Variants in RGS6 observed in about 807,000 individuals in gnomAD.
RGS6 encodes regulator of G protein signaling 6, also known as regulator of G-protein signaling 6.
A neutral mutation model predicts 78.5 loss-of-function variants in RGS6; 30 were observed. The observed-to-expected ratio is 0.38, with a 90% confidence interval of 0.29 to 0.52. RGS6 has a LOEUF of 0.52. Among genes scored for constraint, RGS6 ranks in the 20% least tolerant of loss-of-function variants. The pLI, the probability that RGS6 is intolerant of heterozygous loss-of-function variation, is 0.85. For synonymous variants in RGS6, 206 were observed against 206.0 expected (o/e 1.00, Z 0.00); for missense variants, 495 against 609.7 (o/e 0.81, Z 1.98).
At chr14:72,193,114 C>T (rs2097349102) in intron 2 of RGS6, among the ~76,000 whole-genome samples, 1 of 152,110 alleles carries the variant, frequency 6.6e-6, no homozygotes, top group Non-Finnish European at 1.5e-5. Flanking sequence ...CTGCCTCAGC[C>T]TCCCAAGTAG....
chr14:72,541,537 G>A (rs1305025441), intron 17 of RGS6: 1 of 1,535,696 alleles, frequency 6.5e-7, no homozygotes, highest in South Asian at 1.2e-5. Flanking sequence ...ATGGCCGTGT[G>A]GCTCCGCACA....
At chr14:72,450,859 G>A (rs2095475040) in intron 3 of RGS6, among the ~76,000 whole-genome samples, 1 of 152,180 alleles carries the variant, frequency 6.6e-6, no homozygotes, top group Admixed American at 6.5e-5. Flanking sequence ...TTGGATGTTT[G>A]GACTACTCTT....
At chr14:72,097,006 A>G (rs546503218) in intron 2 of RGS6, among the ~76,000 whole-genome samples, 2 of 152,320 alleles carry the variant, frequency 1.3e-5, no homozygotes, top group African/African-American at 4.8e-5. Flanking sequence ...GTAGGGAATG[A>G]ACCCAGAATG....
chr14:71,984,495 A>AAAAAAAAAAG (rs2094606839), intron 2 of RGS6, among the ~76,000 whole-genome samples: 1 of 149,260 alleles, frequency 6.7e-6, no homozygotes, highest in African/African-American at 2.5e-5. Context: ...AAAAAAAAAA[A>AAAAAAAAAAG]GTTGGTGTGG....
chr14:72,272,415 T>C (rs2060079735), intron 2 of RGS6, among the ~76,000 whole-genome samples: 1 of 152,224 alleles, frequency 6.6e-6, no homozygotes. Flanking sequence ...GGCAAGTTGT[T>C]GAACTGCTCT....
chr14:71,936,894 A>G (rs1179092840), intron 1 of RGS6, among the ~76,000 whole-genome samples: 1 of 152,186 alleles, frequency 6.6e-6, no homozygotes, highest in Non-Finnish European at 1.5e-5. Flanking sequence ...CTACCCATTC[A>G]GTATTCCTTT....
At chr14:72,600,303 G>T in the RGS6 span, among the ~76,000 whole-genome samples, 12 of 151,984 alleles carry the variant, frequency 7.9e-5, no homozygotes, top group Non-Finnish European at 1.3e-4. Flanking sequence ...GCGATTCTGG[G>T]CTTTCCTTTC....
At chr14:72,514,620 G>A (rs749084616) in intron 14 of RGS6, among the ~76,000 whole-genome samples, 3 of 152,188 alleles carry the variant, frequency 2.0e-5, no homozygotes, top group Non-Finnish European at 4.4e-5. Context: ...TCAAATGCCC[G>A]CACAGGGGCT....
intron 7 of RGS6, among the ~76,000 whole-genome samples, chr14:72,467,466 G>C (rs2153276536): frequency 6.6e-6 from 1 of 151,864 alleles, no homozygotes; most frequent in Middle Eastern, 3.4e-3. Context: ...CCTCTCCTAG[G>C]TTCATGTTCC....
At chr14:72,488,014 ACTT>A (rs1038222562) in intron 12 of RGS6, among the ~76,000 whole-genome samples, 14 of 152,168 alleles carry the variant, frequency 9.2e-5, no homozygotes, top group Non-Finnish European at 1.8e-4. Flanking sequence ...ATGATTCAAT[ACTT>A]CCTTTTCCCA....
chr14:72,547,740 G>C (rs145751778), intron 17 of RGS6, among the ~76,000 whole-genome samples: 2 of 152,054 alleles, frequency 1.3e-5, no homozygotes, highest in East Asian at 3.9e-4. Context: ...CAGTGGCAGG[G>C]CCACAGGGCA....
At chr14:72,131,655 A>G (rs2096320034) in intron 2 of RGS6, among the ~76,000 whole-genome samples, 1 of 152,228 alleles carries the variant, frequency 6.6e-6, no homozygotes, top group South Asian at 2.1e-4. Context: ...TGTGCCTTGA[A>G]GATAACTCTC....
At chr14:72,600,962 G>GGAGGAGGAGGAGGAGCAGGGA in the RGS6 span, among the ~76,000 whole-genome samples, 1,417 of 150,064 alleles carry the variant, frequency 9.4e-3, 29 homozygotes, top group African/African-American at 0.034. Flanking sequence ...GGGAAGGAAA[G>GGAGGAGGAGGAGGAGCAGGGA]GAGGAGGAGG....
At chr14:72,069,373 G>A (rs1169997996) in intron 2 of RGS6, among the ~76,000 whole-genome samples, 1 of 151,988 alleles carries the variant, frequency 6.6e-6, no homozygotes, top group East Asian at 1.9e-4. Flanking sequence ...CCTAGAAATT[G>A]TAGCATGCAT....
intron 2 of RGS6, among the ~76,000 whole-genome samples, chr14:72,240,732 C>A (rs1333519372): frequency 6.6e-6 from 1 of 152,110 alleles, no homozygotes; most frequent in Non-Finnish European, 1.5e-5. Flanking sequence ...ATGTGATGGT[C>A]ATTTTCTCTC....
intron 2 of RGS6, among the ~76,000 whole-genome samples, chr14:72,229,426 C>T (rs1166470313): frequency 6.6e-6 from 1 of 152,090 alleles, no homozygotes; most frequent in Admixed American, 6.5e-5. Flanking sequence ...TCCTGACCCT[C>T]TAAAGCTAGG....
rs545252865 is a variant in RGS6 at position 72,305,904 on chromosome 14, G to A, written c.85-46191G>A. Among the ~76,000 whole-genome samples, 3 of 152,346 alleles carry A rather than the reference G, an allele frequency of 2.0e-5. No individual in the cohort carries two copies. In the East Asian group the frequency reaches 5.8e-4, roughly 29 times the overall value. ...CCTCTTGGGCAAAATAATTAGCCAAGTTGTGAATGCAAAGGAAAAGTTATT... is the reference window on the plus strand; with the variant it reads ...CCTCTTGGGCAAAATAATTAGCCAAATTGTGAATGCAAAGGAAAAGTTATT... On this transcript the variant is annotated intron_variant, in intron 2 of 17. Coordinates refer to ENST00000553525, the MANE Select transcript of RGS6 (RefSeq NM_001204424.2).
intron 2 of RGS6, among the ~76,000 whole-genome samples, chr14:72,052,999 CTCTCTCT>C (rs1472774418): frequency 1.0e-5 from 1 of 99,982 alleles, no homozygotes; most frequent in Non-Finnish European, 2.2e-5. Flanking sequence ...CTCTCTCTCT[CTCTCTCT>C]TTCTTTCCTT....
the RGS6 span, among the ~76,000 whole-genome samples, chr14:71,897,450 G>C: frequency 6.6e-6 from 1 of 152,180 alleles, no homozygotes; most frequent in Non-Finnish European, 1.5e-5. Context: ...ACAGTTGGGA[G>C]ATAGAGTGAC....
Sources: gnomAD v4.1 joint callset for allele counts (sites outside exome capture counted in the v4.1 genomes callset) on GRCh38, gnomAD v4.1.1 for gene constraint, MANE v1.5 for transcripts, NCBI Gene and HGNC (gene_info 2026-07-23, HGNC 2026-07-21) for gene names.